The following UNC13C variants were observed in gnomAD, a reference collection of about 807,000 sequenced individuals.
The protein encoded by UNC13C is unc-13 homolog C, also known as protein unc-13 homolog C.
Under a neutral mutation model 245.4 loss-of-function variants are expected in UNC13C, and 174 were observed. The observed-to-expected ratio is 0.71, with a 90% CI of 0.63 to 0.80. UNC13C has a LOEUF of 0.80. Ranked by LOEUF, UNC13C falls within the 30% of genes least tolerant of loss-of-function variation. The probability of loss-of-function intolerance (pLI) is 0.00; values close to 1 mark genes in which losing one functional copy is unlikely to be tolerated. For synonymous variants in UNC13C, 992 were observed against 895.1 expected (o/e 1.11, Z -1.93); for missense variants, 2,829 against 2,602.9 (o/e 1.09, Z -1.89).
intron 30 of UNC13C, among the ~76,000 whole-genome samples, chr15:54,587,094 A>G (rs1023665483): frequency 2.0e-5 from 3 of 152,202 alleles, no homozygotes; most frequent in South Asian, 2.1e-4. Flanking sequence ...TACTACCACC[A>G]TAGATTTTAT....
At chr15:53,870,562 G>C in the UNC13C span, among the ~76,000 whole-genome samples, 2 of 152,066 alleles carry the variant, frequency 1.3e-5, 1 homozygote, top group South Asian at 4.2e-4. Context: ...CTTGTACCTG[G>C]ATATAAGAAA....
intron 2 of UNC13C, among the ~76,000 whole-genome samples, chr15:54,120,423 G>C (rs151009483): frequency 6.6e-6 from 1 of 152,198 alleles, no homozygotes; most frequent in African/African-American, 2.4e-5. Context: ...AGAAGAAAAA[G>C]AAAGATTGCT....
chr15:53,971,306 G>A, the UNC13C span, among the ~76,000 whole-genome samples: 1 of 152,060 alleles, frequency 6.6e-6, no homozygotes, highest in Non-Finnish European at 1.5e-5. Flanking sequence ...ACTAAAAAAT[G>A]GATTATAGTT....
intron 25 of UNC13C, among the ~76,000 whole-genome samples, chr15:54,531,692 T>C (rs1051555246): frequency 1.1e-4 from 16 of 151,928 alleles, no homozygotes; most frequent in Admixed American, 5.9e-4. Flanking sequence ...TCACATACCA[T>C]AAAATTCTCC....
chr15:54,450,334 G>T (rs1891098451), intron 19 of UNC13C, among the ~76,000 whole-genome samples: 1 of 152,226 alleles, frequency 6.6e-6, no homozygotes, highest in African/African-American at 2.4e-5. Context: ...ACAGGTTTCT[G>T]TTGCCTTTTG....
intron 10 of UNC13C, among the ~76,000 whole-genome samples, chr15:54,284,657 T>G (rs1196575513): frequency 1.3e-5 from 2 of 152,160 alleles, no homozygotes; most frequent in African/African-American, 4.8e-5. Flanking sequence ...TTCTAATTTC[T>G]TGAGAGAATA....
intron 13 of UNC13C, among the ~76,000 whole-genome samples, chr15:54,311,006 G>T (rs2037857687): frequency 6.6e-6 from 1 of 151,612 alleles, no homozygotes; most frequent in Non-Finnish European, 1.5e-5. Flanking sequence ...TCATGAAAAG[G>T]CAAGTTCAAC....
chr15:54,607,988 G>A (rs946307081), intron 30 of UNC13C, among the ~76,000 whole-genome samples: 1 of 152,056 alleles, frequency 6.6e-6, no homozygotes, highest in Non-Finnish European at 1.5e-5. Flanking sequence ...TCCTCAAAAG[G>A]AACATGCTCT....
At chr15:53,989,985 T>C (rs1894312357) in intron 1 of UNC13C, among the ~76,000 whole-genome samples, 2 of 151,982 alleles carry the variant, frequency 1.3e-5, no homozygotes, top group Non-Finnish European at 2.9e-5. Context: ...CCCTGTCCAT[T>C]ATTCCTAAGC....
chr15:53,930,993 T>C, the UNC13C span, among the ~76,000 whole-genome samples: 2 of 152,166 alleles, frequency 1.3e-5, no homozygotes, highest in African/African-American at 4.8e-5. Context: ...TTTTGCTAAA[T>C]TAAATATTCT....
intron 17 of UNC13C, among the ~76,000 whole-genome samples, chr15:54,354,907 A>G (rs1174697492): frequency 1.3e-5 from 2 of 152,166 alleles, no homozygotes; most frequent in Non-Finnish European, 2.9e-5. Context: ...GGCCCTTAAG[A>G]GGTGATTGGG....
chr15:54,469,780 T>C (rs1567302829), intron 19 of UNC13C, among the ~76,000 whole-genome samples: 2 of 151,552 alleles, frequency 1.3e-5, no homozygotes, highest in African/African-American at 4.8e-5. Context: ...TATGAAGGGC[T>C]GACTGTACTA....
At chr15:54,059,965 T>C (rs1406271324) in intron 2 of UNC13C, among the ~76,000 whole-genome samples, 1 of 152,192 alleles carries the variant, frequency 6.6e-6, no homozygotes, top group Admixed American at 6.6e-5. Context: ...CAAAAATTAA[T>C]TCAAGATGGA....
intron 2 of UNC13C, among the ~76,000 whole-genome samples, chr15:54,101,522 T>A (rs1457568062): frequency 6.6e-6 from 1 of 152,180 alleles, no homozygotes; most frequent in East Asian, 1.9e-4. Flanking sequence ...AAAGTGGAGT[T>A]ACTTCAGGTC....
intron 4 of UNC13C, among the ~76,000 whole-genome samples, chr15:54,213,091 A>G (rs2034935859): frequency 1.3e-5 from 2 of 152,026 alleles, no homozygotes; most frequent in Non-Finnish European, 2.9e-5. Context: ...ACAATCTTCT[A>G]ATTTCTAATT....
At chr15:54,063,007 G>C (rs138586381) in intron 2 of UNC13C, among the ~76,000 whole-genome samples, 2 of 152,156 alleles carry the variant, frequency 1.3e-5, no homozygotes, top group Non-Finnish European at 2.9e-5. Flanking sequence ...ATTAGTTCCC[G>C]TTAGGGATAG....
the UNC13C span, among the ~76,000 whole-genome samples, chr15:53,909,125 C>T: frequency 6.8e-6 from 1 of 146,342 alleles, no homozygotes; most frequent in African/African-American, 2.4e-5. Context: ...CTACCAAGAC[C>T]CACTTCCTGA....
chr15:54,491,322 C>T (rs919139221), intron 19 of UNC13C, among the ~76,000 whole-genome samples: 1 of 151,916 alleles, frequency 6.6e-6, no homozygotes, highest in Admixed American at 6.6e-5. Context: ...AACTAATAAA[C>T]TGTTAAATAA....
chr15:54,333,058 A>G (rs897557746), intron 15 of UNC13C, among the ~76,000 whole-genome samples: 1 of 151,998 alleles, frequency 6.6e-6, no homozygotes, highest in Non-Finnish European at 1.5e-5. Flanking sequence ...TCATAGGCAC[A>G]CTAACCCTGT....
Sources: allele counts gnomAD v4.1 joint callset (sites outside exome capture counted in the v4.1 genomes callset), GRCh38; gene constraint gnomAD v4.1.1; transcripts MANE v1.5; gene names NCBI Gene and HGNC (gene_info 2026-07-23, HGNC 2026-07-21).